Variants in TRPM2 observed in about 807,000 individuals in gnomAD.
TRPM2 encodes transient receptor potential cation channel subfamily M member 2.
TRPM2 carries 161 observed loss-of-function variants against 174.0 expected under a neutral mutation model. The observed-to-expected ratio is 0.93, with a 90% CI of 0.81 to 1.05. The LOEUF (loss-of-function observed/expected upper bound fraction) is 1.05. TRPM2 is among the 50% of genes least tolerant of loss of function. The pLI is 0.00. For missense variants in TRPM2, 2,057 were observed against 2,038.0 expected, an observed-to-expected ratio of 1.01 and a Z score of -0.18; for synonymous variants, 954 against 861.3, an observed-to-expected ratio of 1.11 and a Z score of -1.88.
In TRPM2 at chr21:44,418,420, CA is replaced by C. The variant is rs1390611754; in HGVS notation, c.3329-2del. ...CCCCTGGTCTGTCCGCCCACCCTGA[CA>C]GAGAACAAGCTGGAGAAGAACGAGG... On this transcript the variant is annotated splice_acceptor_variant, in intron 21 of 31. Coordinates refer to ENST00000397928, the MANE Select transcript of TRPM2 (RefSeq NM_003307.4). LOFTEE classifies it high-confidence loss of function. The C allele has an allele frequency of 6.2e-7, 1 of 1,613,854 alleles. No individual in the cohort carries two copies. The highest frequency in any genetic ancestry group is 2.2e-5 in the East Asian group (1 of 44,880).
At chr21:44,361,646 T>G (rs546321593) in intron 2 of TRPM2, among the ~76,000 whole-genome samples, 3 of 147,142 alleles carry the variant, frequency 2.0e-5, no homozygotes, top group South Asian at 4.2e-4. Context: ...TTGTTCTGTG[T>G]TTTTTTTTTG....
intron 20 of TRPM2, 77 bp from the exon 21 acceptor site, chr21:44,417,850 G>A: frequency 2.0e-6 from 3 of 1,474,442 alleles, no homozygotes; most frequent in Non-Finnish European, 1.8e-6. Context: ...GCATCACAGT[G>A]GGCACGCAGG....
At position 44,424,864 on chromosome 21, in the gene TRPM2, G is replaced by T. The variant is rs375948121; in HGVS notation, c.3562G>T (p.Ala1188Ser). Reference sequence around the variant, plus strand: ...CCATGCCTTCCAGGTGGCCCAGACAGCCCAAGCCCTGCACTGGATCGTGAG... The same window carrying T: ...CCATGCCTTCCAGGTGGCCCAGACATCCCAAGCCCTGCACTGGATCGTGAG... ...ASLEEQVAQT[A>S]QALHWIVRTL... is the part of the protein sequence containing the mutation. Residue 1188 changes from alanine to serine, a missense_variant, in exon 24 of 32, where the codon GCC becomes TCC. Physicochemically the swap from Ala to Ser is moderately conservative, Grantham distance 99 (BLOSUM62 1). Coordinates refer to ENST00000397928, the MANE Select transcript of TRPM2 (RefSeq NM_003307.4). The T allele has an allele frequency of 6.2e-7, 1 of 1,602,492 alleles. No homozygotes were observed.
intron 9 of TRPM2, among the ~76,000 whole-genome samples, chr21:44,384,976 C>T (rs2048978751): frequency 6.6e-6 from 1 of 152,164 alleles, no homozygotes; most frequent in African/African-American, 2.4e-5. Context: ...AAGACAGACA[C>T]TACAAGAAAA....
At chr21:44,362,875 G>A (rs1308161629) in intron 2 of TRPM2, among the ~76,000 whole-genome samples, 1 of 152,048 alleles carries the variant, frequency 6.6e-6, no homozygotes, top group Non-Finnish European at 1.5e-5. Context: ...CTGGGTTCAA[G>A]CGAGTCTCCT....
intron 22 of TRPM2, among the ~76,000 whole-genome samples, chr21:44,420,266 C>T (rs1043462408): frequency 1.3e-5 from 2 of 152,074 alleles, no homozygotes; most frequent in Non-Finnish European, 2.9e-5. Context: ...CCCACCCTGT[C>T]CCCATCCCCT....
intron 3 of TRPM2, among the ~76,000 whole-genome samples, chr21:44,364,696 G>A (rs1451712242): frequency 6.6e-6 from 1 of 152,240 alleles, no homozygotes; most frequent in East Asian, 1.9e-4. Context: ...AAAGCTGGGG[G>A]AAGGGGCCCA....
intron 5 of TRPM2, 52 bp downstream of exon 5, chr21:44,369,395 G>T (rs551927377): frequency 1.2e-4 from 194 of 1,558,954 alleles, no homozygotes; most frequent in Admixed American, 5.6e-4. Context: ...TGTGGGTGAG[G>T]TCTGACTGGG....
rs774227124 is a variant in TRPM2, at chr21:44,435,111, T to C, written c.3975-20T>C. ...CCCCATTGGTGGACGGTGGACTGAC[T>C]CAACCCCTCTGCATCCCAGGAACCC... is the stretch of plus-strand genomic sequence containing the variant. On this transcript the variant is annotated intron_variant, in intron 27 of 31. Coordinates refer to ENST00000397928, the MANE Select transcript of TRPM2 (RefSeq NM_003307.4). 6.2e-6 allele frequency: 10 copies of C among 1,609,514 alleles called. No individual in the cohort carries two copies. Among genetic ancestry groups the C allele is most frequent in the Non-Finnish European group, 8.5e-6 (10 of 1,176,842 alleles).
At chr21:44,414,296 T>C (rs1416400865) in intron 20 of TRPM2, among the ~76,000 whole-genome samples, 1 of 152,254 alleles carries the variant, frequency 6.6e-6, no homozygotes, top group African/African-American at 2.4e-5. Flanking sequence ...GGCGTGGGTC[T>C]GTCCTTGTGG....
upstream of TRPM2, among the ~76,000 whole-genome samples, chr21:44,353,026 G>A (rs2123003942): frequency 1.5e-4 from 23 of 152,280 alleles, no homozygotes; most frequent in African/African-American, 4.8e-4. Context: ...TGTGGTGATT[G>A]GCGCCCATAA....
At chr21:44,431,055 G>A (rs996689992) in intron 27 of TRPM2, among the ~76,000 whole-genome samples, 4 of 147,610 alleles carry the variant, frequency 2.7e-5, no homozygotes, top group Non-Finnish European at 6.0e-5. Flanking sequence ...TTAATTTTTC[G>A]ATCTCATCCA....
intron 8 of TRPM2, among the ~76,000 whole-genome samples, chr21:44,381,952 GGATA>G (rs71197895): frequency 0.17 from 24,372 of 143,306 alleles, 2,171 homozygotes; most frequent in South Asian, 0.27. Flanking sequence ...ATAGATAGAT[GGATA>G]GATAGATAGA....
chr21:44,364,924 G>T (rs567155819), intron 3 of TRPM2, among the ~76,000 whole-genome samples: 8 of 152,216 alleles, frequency 5.3e-5, no homozygotes, highest in Non-Finnish European at 1.2e-4. Flanking sequence ...CAATTCTCAG[G>T]CCCCATCCCA....
intron 9 of TRPM2, among the ~76,000 whole-genome samples, chr21:44,386,423 A>T (rs1569045664): frequency 6.6e-6 from 1 of 152,150 alleles, no homozygotes. Context: ...CCAAAAAAAA[A>T]TCTGCTGCAT....
chr21:44,437,776 G>C (rs1167108441), intron 29 of TRPM2, among the ~76,000 whole-genome samples: 1 of 152,222 alleles, frequency 6.6e-6, no homozygotes, highest in East Asian at 1.9e-4. Context: ...GCCTCCAACA[G>C]CTCCTGTTTC....
rs1276054191 is a variant in TRPM2 at position 44,353,756 on chromosome 21, G to A, written c.56G>A (p.Gly19Glu). The A allele has an allele frequency of 6.3e-7, 1 of 1,594,882 alleles. No homozygotes were observed. The highest frequency in any genetic ancestry group is 2.3e-5 in the East Asian group (1 of 42,976). The change falls in exon 1 of 32, where the codon GGG becomes GAG. Residue 19 changes from glycine (G) to glutamate (E), a missense_variant. Physicochemically the swap from Gly to Glu is moderately conservative, Grantham distance 98. Transcript: ENST00000397928. ...TCGGAGCAGGAGGAGGGCTTTGAGG[G>A]GCTGCCCAGAAGGGTCACTGACCTG... ...AGSEQEEGFE[G>E]LPRRVTDLGM...
Position 44,390,981 on chromosome 21 carries a change from G to C in TRPM2, c.1396G>C (p.Asp466His). Residue 466 changes from aspartate to histidine, a missense_variant, in exon 10 of 32, where the codon GAC becomes CAC. Physicochemically the swap from Asp to His is moderately conservative, Grantham distance 81. Coordinates refer to ENST00000397928, the MANE Select transcript of TRPM2 (RefSeq NM_003307.4). ...ACTGGCAGTGGCATGGAATCGCGTG[G>C]ACATTGCCCGCAGTGAGATCTTCAT... ...LKLAVAWNRV[D>H]IARSEIFMDE... 6.2e-7 allele frequency: 1 copy of C among 1,614,102 alleles called. No homozygotes were observed. The highest frequency in any genetic ancestry group is 8.5e-7 in the Non-Finnish European group (1 of 1,180,026).
upstream of TRPM2, chr21:44,353,458 C>A (rs1209499895): frequency 8.9e-6 from 4 of 449,912 alleles, no homozygotes; most frequent in Non-Finnish European, 1.1e-5. Context: ...TGTCCGGGGG[C>A]CCCAGCCAAG....
Sources: gnomAD v4.1 joint callset for allele counts (sites outside exome capture counted in the v4.1 genomes callset) on GRCh38, gnomAD v4.1.1 for gene constraint, MANE v1.5 for transcripts, NCBI Gene and HGNC (gene_info 2026-07-23, HGNC 2026-07-21) for gene names.